SEMA5A: variants seen among roughly 807,000 people sequenced by gnomAD.
The protein encoded by SEMA5A is semaphorin-5A.
In SEMA5A, 55 loss-of-function variants were observed where a neutral mutation model predicts 135.5. The ratio of observed to expected loss-of-function variants is 0.41; its 90% CI spans 0.33 to 0.51. The LOEUF is 0.51. SEMA5A is among the 20% of genes least tolerant of loss of function. SEMA5A has a pLI of 0.37. For synonymous variants in SEMA5A, 580 were observed against 546.5 expected (o/e 1.06, Z -0.85); for missense variants, 1,290 against 1,419.9 (o/e 0.91, Z 1.47).
chr5:9,067,365 A>G (rs1324203133), intron 16 of SEMA5A, among the ~76,000 whole-genome samples: 1 of 152,152 alleles, frequency 6.6e-6, no homozygotes, highest in Non-Finnish European at 1.5e-5. Flanking sequence ...TTTGACAAGC[A>G]TTCTACATAC....
intron 2 of SEMA5A, among the ~76,000 whole-genome samples, chr5:9,386,091 C>T (rs57614514): frequency 0.059 from 8,961 of 152,150 alleles, 443 homozygotes; most frequent in African/African-American, 0.13. Context: ...TGAGCCATCA[C>T]GCCCAGCTGG....
chr5:9,177,749 G>T (rs1464245940), intron 11 of SEMA5A, among the ~76,000 whole-genome samples: 1 of 152,178 alleles, frequency 6.6e-6, no homozygotes, highest in Non-Finnish European at 1.5e-5. Flanking sequence ...GGTTACTAGG[G>T]TTATGTGGAT....
At chr5:9,194,843 A>C (rs147812544) in intron 10 of SEMA5A, among the ~76,000 whole-genome samples, 146 of 152,274 alleles carry the variant, frequency 9.6e-4, no homozygotes, top group Non-Finnish European at 1.7e-3. Context: ...TGACACTGGC[A>C]TTATAAAACC....
chr5:9,231,613 G>A (rs770816148), intron 6 of SEMA5A, among the ~76,000 whole-genome samples: 7 of 151,940 alleles, frequency 4.6e-5, no homozygotes, highest in Non-Finnish European at 7.4e-5. Flanking sequence ...TGTTACAAAC[G>A]TGGCCTTTCC....
chr5:9,180,340 G>A (rs1315235300), intron 11 of SEMA5A, among the ~76,000 whole-genome samples: 1 of 152,100 alleles, frequency 6.6e-6, no homozygotes, highest in African/African-American at 2.4e-5. Flanking sequence ...TATTCCCTCA[G>A]TAAATGAAAA....
intron 9 of SEMA5A, among the ~76,000 whole-genome samples, chr5:9,198,106 G>A (rs1745517552): frequency 6.6e-6 from 1 of 152,204 alleles, no homozygotes; most frequent in South Asian, 2.1e-4. Flanking sequence ...AGGGGAAGTG[G>A]AGATAAAACA....
chr5:9,176,676 A>G (rs1030489918), intron 11 of SEMA5A, among the ~76,000 whole-genome samples: 3 of 152,126 alleles, frequency 2.0e-5, no homozygotes, highest in African/African-American at 4.8e-5. Context: ...TTGTTGAAAA[A>G]AGGGGCCCCA....
chr5:9,045,907 T>C, intron 21 of SEMA5A: 1 of 152,322 alleles, frequency 6.6e-6, no homozygotes, highest in Middle Eastern at 3.4e-3. Context: ...ACCTGTGTTA[T>C]GTCGGAGCAA....
intron 5 of SEMA5A, among the ~76,000 whole-genome samples, chr5:9,277,202 CAT>C (rs1750307184): frequency 6.6e-6 from 1 of 152,132 alleles, no homozygotes; most frequent in African/African-American, 2.4e-5. Context: ...CACCAACAAA[CAT>C]ATGAAAAAAA....
At chr5:9,195,165 T>A (rs1745319619) in intron 10 of SEMA5A, among the ~76,000 whole-genome samples, 1 of 152,172 alleles carries the variant, frequency 6.6e-6, no homozygotes, top group African/African-American at 2.4e-5. Context: ...AGGCACCAAA[T>A]AAATGATTCT....
intron 11 of SEMA5A, among the ~76,000 whole-genome samples, chr5:9,166,331 G>GC (rs1312466013): frequency 8.6e-5 from 13 of 151,922 alleles, no homozygotes; most frequent in Admixed American, 8.5e-4. Context: ...TAAACTCCAG[G>GC]CTCCCACAAT....
At chr5:9,065,992 A>T (rs1737442883) in intron 17 of SEMA5A, among the ~76,000 whole-genome samples, 1 of 152,226 alleles carries the variant, frequency 6.6e-6, no homozygotes, top group South Asian at 2.1e-4. Flanking sequence ...AAACAGAAAC[A>T]TCCTTTTATA....
At chr5:9,123,959 G>A (rs1740969532) in intron 13 of SEMA5A, among the ~76,000 whole-genome samples, 1 of 152,162 alleles carries the variant, frequency 6.6e-6, no homozygotes. Flanking sequence ...CGAGGAGCCT[G>A]TGTTGAGTCT....
At chr5:9,213,575 A>G (rs548226521) in intron 8 of SEMA5A, among the ~76,000 whole-genome samples, 1 of 152,350 alleles carries the variant, frequency 6.6e-6, no homozygotes, top group East Asian at 1.9e-4. Flanking sequence ...CTTTCCAGGC[A>G]GAACAGCGCC....
intron 5 of SEMA5A, among the ~76,000 whole-genome samples, chr5:9,239,346 A>C (rs897711640): frequency 6.6e-6 from 1 of 152,176 alleles, no homozygotes; most frequent in Non-Finnish European, 1.5e-5. Flanking sequence ...GCTAATCAGC[A>C]TCTGATGCAA....
intron 16 of SEMA5A, among the ~76,000 whole-genome samples, chr5:9,096,218 G>C (rs1048237143): frequency 6.6e-6 from 1 of 152,106 alleles, no homozygotes; most frequent in Non-Finnish European, 1.5e-5. Context: ...GTGTACTCAT[G>C]TAGCAAATTT....
At chr5:9,202,873 A>G (rs1484309925) in intron 8 of SEMA5A, among the ~76,000 whole-genome samples, 1 of 152,140 alleles carries the variant, frequency 6.6e-6, no homozygotes, top group African/African-American at 2.4e-5. Context: ...TGATTTTCTT[A>G]TTTCTGGTTT....
Position 9,122,701 on chromosome 5 carries a change from C to G in SEMA5A, c.1736G>C (p.Gly579Ala), listed in dbSNP as rs1740876147. Residue 579 changes from glycine to alanine, a missense_variant, in exon 14 of 23, where the codon GGC (glycine) becomes GCC (alanine). Physicochemically the swap from Gly to Ala is moderately conservative, Grantham distance 60 (BLOSUM62 0). Transcript: ENST00000382496. ...SCDSPAPQCG[G>A]WQCEGPGMEI... ...CATGCCAGGGCCCTCGCACTGCCAG[C>G]CACCACACTGCGGGGCCGGGCTGTC... 6.2e-7 allele frequency: 1 copy of G among 1,612,306 alleles called. No homozygotes were observed. The highest frequency in any genetic ancestry group is 1.1e-5 in the South Asian group (1 of 90,816).
chr5:9,224,372 G>C (rs1747173386), intron 8 of SEMA5A, among the ~76,000 whole-genome samples: 1 of 148,704 alleles, frequency 6.7e-6, no homozygotes. Flanking sequence ...CACATGACAA[G>C]CTGTCAAATT....
Sources: gnomAD v4.1 joint callset for allele counts (sites outside exome capture counted in the v4.1 genomes callset) on GRCh38, gnomAD v4.1.1 for gene constraint, MANE v1.5 for transcripts, NCBI Gene and HGNC (gene_info 2026-07-23, HGNC 2026-07-21) for gene names.